The following TACR3 variants were observed in gnomAD, a reference collection of about 807,000 sequenced individuals.
TACR3 encodes neuromedin-K receptor.
Under a neutral mutation model 35.0 loss-of-function variants are expected in TACR3, and 34 were observed. The ratio of observed to expected loss-of-function variants is 0.97; its 90% CI spans 0.74 to 1.30. The LOEUF (loss-of-function observed/expected upper bound fraction) is 1.30, where lower values mean the gene tolerates loss of function less well. Among genes scored for constraint, TACR3 ranks in the 50% most tolerant of loss-of-function variants. The pLI is 0.00. For synonymous variants in TACR3, 233 were observed against 221.1 expected, an observed-to-expected ratio of 1.05 and a Z score of -0.48; for missense variants, 558 against 591.7, an observed-to-expected ratio of 0.94 and a Z score of 0.59.
chr4:103,652,656 T>C (rs1467859125), intron 3 of TACR3, among the ~76,000 whole-genome samples: 2 of 152,142 alleles, frequency 1.3e-5, no homozygotes, highest in Non-Finnish European at 2.9e-5. Context: ...ACCATCCTGC[T>C]CCACCCCGTG....
intron 1 of TACR3, among the ~76,000 whole-genome samples, chr4:103,682,100 A>G (rs1464326606): frequency 1.3e-5 from 2 of 152,090 alleles, no homozygotes; most frequent in Non-Finnish European, 2.9e-5. Context: ...ACCCACTCTT[A>G]TTCTGGTCTG....
chr4:103,639,456 G>A (rs927453071), intron 3 of TACR3, among the ~76,000 whole-genome samples: 1 of 152,048 alleles, frequency 6.6e-6, no homozygotes, highest in Non-Finnish European at 1.5e-5. Flanking sequence ...TGGGGAGAGG[G>A]GGGAGGGATA....
intron 3 of TACR3, among the ~76,000 whole-genome samples, chr4:103,620,828 C>T (rs79509238): frequency 0.029 from 4,440 of 150,572 alleles, 81 homozygotes; most frequent in Non-Finnish European, 0.041. Flanking sequence ...CAGACATCAA[C>T]TTCACACAAT....
chr4:103,623,081 G>A (rs527838894), intron 3 of TACR3, among the ~76,000 whole-genome samples: 2 of 152,050 alleles, frequency 1.3e-5, no homozygotes, highest in African/African-American at 4.8e-5. Flanking sequence ...AAATAACAAA[G>A]TCTTTAAAAT....
chr4:103,669,226 C>G (rs1280722442), intron 1 of TACR3, among the ~76,000 whole-genome samples: 2 of 152,008 alleles, frequency 1.3e-5, no homozygotes, highest in African/African-American at 4.8e-5. Flanking sequence ...ACTTTTGCAC[C>G]AATCTAATAT....
chr4:103,667,677 A>G (rs986214388), intron 1 of TACR3, among the ~76,000 whole-genome samples: 1 of 152,214 alleles, frequency 6.6e-6, no homozygotes, highest in Non-Finnish European at 1.5e-5. Flanking sequence ...TTTACCACTT[A>G]TCTTACATGA....
intron 2 of TACR3, 126 bp downstream of exon 2, chr4:103,658,089 T>C (rs185745599): frequency 1.1e-6 from 1 of 937,518 alleles, no homozygotes; most frequent in Admixed American, 2.1e-5. Flanking sequence ...TTTTATATAT[T>C]TCCTTTTCCA....
intron 3 of TACR3, among the ~76,000 whole-genome samples, chr4:103,595,198 A>G (rs986946822): frequency 2.0e-5 from 3 of 152,204 alleles, no homozygotes; most frequent in Non-Finnish European, 2.9e-5. Context: ...TAGTGCAGGC[A>G]GGCTATGAAC....
chr4:103,621,263 C>A (rs1724773041), intron 3 of TACR3, among the ~76,000 whole-genome samples: 1 of 152,118 alleles, frequency 6.6e-6, no homozygotes, highest in African/African-American at 2.4e-5. Context: ...AAAACTCATG[C>A]CTCCTTCTAG....
At chr4:103,697,139 C>CA (rs1340647140) in intron 1 of TACR3, among the ~76,000 whole-genome samples, 1 of 152,144 alleles carries the variant, frequency 6.6e-6, no homozygotes, top group Non-Finnish European at 1.5e-5. Context: ...TTGGGCAATA[C>CA]AACTATGTGC....
chr4:103,692,152 A>G (rs1377517427), intron 1 of TACR3, among the ~76,000 whole-genome samples: 1 of 152,198 alleles, frequency 6.6e-6, no homozygotes, highest in African/African-American at 2.4e-5. Flanking sequence ...TGATTGGAAT[A>G]CATGATTCAT....
At chr4:103,708,310 G>GAA (rs1722846375) in intron 1 of TACR3, among the ~76,000 whole-genome samples, 1 of 148,590 alleles carries the variant, frequency 6.7e-6, no homozygotes, top group South Asian at 2.3e-4. Flanking sequence ...GAAGCTTCCA[G>GAA]AGGAACGATC....
intron 1 of TACR3, among the ~76,000 whole-genome samples, chr4:103,671,116 G>A (rs1029614440): frequency 3.3e-5 from 5 of 151,742 alleles, no homozygotes; most frequent in African/African-American, 1.2e-4. Flanking sequence ...TCATGTTTAT[G>A]GATTTGATGT....
intron 1 of TACR3, among the ~76,000 whole-genome samples, chr4:103,705,278 AAT>A (rs1432194767): frequency 6.6e-6 from 1 of 152,146 alleles, no homozygotes; most frequent in Non-Finnish European, 1.5e-5. Context: ...TTTCATAAAA[AAT>A]ATGTGTAAAA....
chr4:103,632,022 C>A (rs2046261), intron 3 of TACR3, among the ~76,000 whole-genome samples: 90,332 of 152,018 alleles, frequency 0.59, 28,688 homozygotes, highest in African/African-American at 0.82. Context: ...AAGAATCATA[C>A]ATGGTTATTA....
At chr4:103,715,952 T>C (rs1723080391) in intron 1 of TACR3, among the ~76,000 whole-genome samples, 1 of 152,202 alleles carries the variant, frequency 6.6e-6, no homozygotes, top group Non-Finnish European at 1.5e-5. Context: ...TACTAAATTC[T>C]AATTTGATTA....
chr4:103,668,970 TC>T (rs1222136196), intron 1 of TACR3, among the ~76,000 whole-genome samples: 1 of 152,200 alleles, frequency 6.6e-6, no homozygotes, highest in Non-Finnish European at 1.5e-5. Context: ...ATTTATCATT[TC>T]TTTGTGTTTG....
intron 1 of TACR3, among the ~76,000 whole-genome samples, chr4:103,687,944 G>A (rs375912991): frequency 3.9e-5 from 6 of 151,924 alleles, no homozygotes; most frequent in African/African-American, 1.2e-4. Flanking sequence ...CGCCAAGTCA[G>A]TCCTAAGCCA....
chr4:103,633,438 A>G (rs1343727923), intron 3 of TACR3, among the ~76,000 whole-genome samples: 1 of 152,052 alleles, frequency 6.6e-6, no homozygotes, highest in Admixed American at 6.6e-5. Flanking sequence ...TCCATAAGTT[A>G]TTGGGGTACA....
Sources: gnomAD v4.1 joint callset for allele counts (sites outside exome capture counted in the v4.1 genomes callset) on GRCh38, gnomAD v4.1.1 for gene constraint, MANE v1.5 for transcripts, NCBI Gene and HGNC (gene_info 2026-07-23, HGNC 2026-07-21) for gene names.